Variants in FAM135B observed in about 807,000 individuals in gnomAD.
FAM135B encodes protein FAM135B.
In FAM135B, 43 loss-of-function variants were observed where a neutral mutation model predicts 127.7. The ratio of observed to expected loss-of-function variants is 0.34; its 90% CI spans 0.26 to 0.43. FAM135B has a LOEUF of 0.43. Among genes scored for constraint, FAM135B ranks in the 20% least tolerant of loss-of-function variants. The pLI, the probability that FAM135B is intolerant of heterozygous loss-of-function variation, is 1.00. For missense variants in FAM135B, 1,558 were observed against 1,725.6 expected (o/e 0.90, Z 1.72); for synonymous variants, 670 against 665.1 (o/e 1.01, Z -0.11).
At chr8:138,363,655 G>T (rs546969457) in intron 2 of FAM135B, among the ~76,000 whole-genome samples, 1 of 152,304 alleles carries the variant, frequency 6.6e-6, no homozygotes, top group South Asian at 2.1e-4. Flanking sequence ...AAGGCAGTGT[G>T]CATTCTCAGA....
chr8:138,158,124 G>T (rs1818956494), intron 12 of FAM135B, among the ~76,000 whole-genome samples: 1 of 152,166 alleles, frequency 6.6e-6, no homozygotes, highest in South Asian at 2.1e-4. Context: ...GAACAGAACA[G>T]AACCCTCAGA....
intron 2 of FAM135B, chr8:138,367,413 C>A (rs2131213112): frequency 2.2e-6 from 1 of 456,306 alleles, no homozygotes; most frequent in Admixed American, 2.3e-5. Context: ...ACTGCATCCT[C>A]AAAAAGATGA....
intron 2 of FAM135B, among the ~76,000 whole-genome samples, chr8:138,354,383 C>T (rs935605430): frequency 1.3e-5 from 2 of 152,100 alleles, no homozygotes; most frequent in African/African-American, 4.8e-5. Context: ...AGATGACATG[C>T]CCTTTTCCAT....
At chr8:138,384,230 G>A (rs904526943) in intron 1 of FAM135B, among the ~76,000 whole-genome samples, 3 of 152,124 alleles carry the variant, frequency 2.0e-5, no homozygotes, top group Middle Eastern at 3.2e-3. Context: ...GCAATGGGCC[G>A]GGCCTACCCA....
chr8:138,284,112 CA>C (rs1376202910), intron 3 of FAM135B, among the ~76,000 whole-genome samples: 1 of 152,166 alleles, frequency 6.6e-6, no homozygotes, highest in Non-Finnish European at 1.5e-5. Context: ...AACTTTTTAT[CA>C]CTACTAGAAA....
chr8:138,163,336 G>A (rs1457299419), intron 12 of FAM135B, among the ~76,000 whole-genome samples: 1 of 152,194 alleles, frequency 6.6e-6, no homozygotes, highest in East Asian at 1.9e-4. Flanking sequence ...GAGGCATGGT[G>A]TGGGTGTTGG....
At chr8:138,428,333 C>A in intron 1 of FAM135B, among the ~76,000 whole-genome samples, 1 of 152,098 alleles carries the variant, frequency 6.6e-6, no homozygotes, top group South Asian at 2.1e-4. Context: ...GTCCAACGCC[C>A]AAACTATCTT....
chr8:138,201,341 A>C (rs1817103701), intron 7 of FAM135B, among the ~76,000 whole-genome samples: 1 of 152,172 alleles, frequency 6.6e-6, no homozygotes, highest in African/African-American at 2.4e-5. Context: ...TTTTCAAGGG[A>C]CACTTTAAGA....
At chr8:138,346,969 A>T (rs1829457803) in intron 2 of FAM135B, among the ~76,000 whole-genome samples, 1 of 152,358 alleles carries the variant, frequency 6.6e-6, no homozygotes, top group South Asian at 2.1e-4. Flanking sequence ...TAGAAGCCCG[A>T]GAAAAAGATT....
At chr8:138,493,246 T>C (rs1425855562) in intron 1 of FAM135B, among the ~76,000 whole-genome samples, 1 of 152,140 alleles carries the variant, frequency 6.6e-6, no homozygotes, top group Non-Finnish European at 1.5e-5. Context: ...CTGCCAGCTC[T>C]CTCAGGTAAG....
chr8:138,233,315 T>A (rs1403538352), intron 7 of FAM135B, among the ~76,000 whole-genome samples: 1 of 152,202 alleles, frequency 6.6e-6, no homozygotes, highest in Non-Finnish European at 1.5e-5. Flanking sequence ...ATGCCACTCA[T>A]ACCTCAATAA....
At chr8:138,153,753 T>C (rs182250073) in intron 12 of FAM135B, among the ~76,000 whole-genome samples, 232 of 152,202 alleles carry the variant, frequency 1.5e-3, no homozygotes, top group African/African-American at 5.0e-3. Flanking sequence ...GTGTCCACCA[T>C]TGCTGAGGCT....
At chr8:138,145,775 C>T (rs773208100) in intron 15 of FAM135B, among the ~76,000 whole-genome samples, 184 bp downstream of exon 15, 4 of 152,170 alleles carry the variant, frequency 2.6e-5, no homozygotes, top group Admixed American at 6.5e-5. Context: ...CATTTCTTAC[C>T]GTTTCCTCTC....
intron 2 of FAM135B, among the ~76,000 whole-genome samples, chr8:138,361,218 G>A (rs1470231627): frequency 6.6e-6 from 1 of 152,050 alleles, no homozygotes; most frequent in Non-Finnish European, 1.5e-5. Flanking sequence ...GAGCCACCTC[G>A]CCCAGCCAAG....
chr8:138,247,422 C>A (rs1821373104), intron 6 of FAM135B, among the ~76,000 whole-genome samples: 1 of 152,200 alleles, frequency 6.6e-6, no homozygotes, highest in African/African-American at 2.4e-5. Flanking sequence ...CTCACAAGAT[C>A]TGATGGTTTT....
intron 10 of FAM135B, among the ~76,000 whole-genome samples, 170 bp downstream of exon 10, chr8:138,178,365 G>C (rs1266793003): frequency 6.6e-6 from 1 of 152,178 alleles, no homozygotes; most frequent in Non-Finnish European, 1.5e-5. Context: ...ACACAGCAAA[G>C]GCCTGAGAGG....
chr8:138,247,402 T>G (rs1821371467), intron 6 of FAM135B, among the ~76,000 whole-genome samples: 1 of 152,206 alleles, frequency 6.6e-6, no homozygotes, highest in Non-Finnish European at 1.5e-5. Context: ...CTTGTGATAG[T>G]GAGTGAGTGC....
chr8:138,228,455 T>C (rs1030033242), intron 7 of FAM135B, among the ~76,000 whole-genome samples: 2 of 152,152 alleles, frequency 1.3e-5, no homozygotes, highest in Non-Finnish European at 2.9e-5. Context: ...TGTTTACCAC[T>C]ACTGAGCTGC....
intron 6 of FAM135B, among the ~76,000 whole-genome samples, chr8:138,249,029 G>A (rs1272899487): frequency 2.6e-5 from 4 of 152,046 alleles, no homozygotes; most frequent in Non-Finnish European, 5.9e-5. Context: ...AGAATCCACT[G>A]CAGGAAGCTC....
Sources: allele counts gnomAD v4.1 joint callset (sites outside exome capture counted in the v4.1 genomes callset), GRCh38; gene constraint gnomAD v4.1.1; transcripts MANE v1.5; gene names NCBI Gene and HGNC (gene_info 2026-07-23, HGNC 2026-07-21).